Variants in RBFOX1 observed in about 807,000 individuals in gnomAD.
RBFOX1 encodes RNA binding protein fox-1 homolog 1.
RBFOX1 carries 8 observed loss-of-function variants against 57.7 expected under a neutral mutation model. The ratio of observed to expected loss-of-function variants is 0.14; its 90% CI spans 0.08 to 0.25. The LOEUF is 0.25. Among genes scored for constraint, RBFOX1 ranks in the 10% least tolerant of loss-of-function variants. The pLI is 1.00. For missense variants in RBFOX1, 611 were observed against 548.5 expected (o/e 1.11, Z -1.14); for synonymous variants, 326 against 222.4 (o/e 1.47, Z -4.15).
chr16:7,387,463 A>G lies in RBFOX1; in HGVS notation c.28-130684A>G, dbSNP rs111615136. ...ATATACCCCTGTCTTCCAAATGCAT[A>G]GATGTACAATAGCTGTCAGGATTGT... On this transcript the variant is annotated intron_variant, in intron 4 of 15. Transcript: ENST00000550418. Among the ~76,000 whole-genome samples the G allele has an allele frequency of 6.3e-3, 960 of 152,300 alleles. 13 individuals are homozygous for G. Among genetic ancestry groups the G allele is most frequent in the African/African-American group, 0.022 (913 of 41,560 alleles).
At chr16:6,735,894 G>A (rs2154178112) in intron 3 of RBFOX1, among the ~76,000 whole-genome samples, 1 of 151,496 alleles carries the variant, frequency 6.6e-6, no homozygotes, top group East Asian at 2.0e-4. Flanking sequence ...ATAAGCAGAT[G>A]GTTGAAGAAT....
intron 4 of RBFOX1, among the ~76,000 whole-genome samples, chr16:7,120,713 T>A (rs1416543249): frequency 2.0e-5 from 3 of 147,842 alleles, no homozygotes; most frequent in African/African-American, 7.5e-5. Context: ...AAAAAAACTA[T>A]ACACAGTCTC....
At chr16:6,865,595 C>A (rs984956159) in intron 3 of RBFOX1, among the ~76,000 whole-genome samples, 2 of 152,046 alleles carry the variant, frequency 1.3e-5, no homozygotes, top group South Asian at 4.2e-4. Context: ...TTTTGTGATA[C>A]ATTATTTTTT....
intron 2 of RBFOX1, among the ~76,000 whole-genome samples, chr16:5,478,656 C>T (rs1167059664): frequency 6.6e-6 from 1 of 152,180 alleles, no homozygotes; most frequent in East Asian, 1.9e-4. Flanking sequence ...GCTTATCTTT[C>T]CAGACCCGCT....
At chr16:7,253,917 A>T (rs957096161) in intron 4 of RBFOX1, among the ~76,000 whole-genome samples, 6 of 152,162 alleles carry the variant, frequency 3.9e-5, no homozygotes, top group Admixed American at 6.5e-5. Context: ...AAGAGTCTTT[A>T]TATAGGAGCT....
At chr16:6,167,414 G>C (rs1334165566) in intron 1 of RBFOX1, among the ~76,000 whole-genome samples, 1 of 152,162 alleles carries the variant, frequency 6.6e-6, no homozygotes, top group East Asian at 1.9e-4. Flanking sequence ...GGCTGTTTAA[G>C]TGCTAACGGT....
intron 3 of RBFOX1, among the ~76,000 whole-genome samples, chr16:6,947,247 G>T (rs1365536805): frequency 2.0e-5 from 3 of 152,166 alleles, no homozygotes; most frequent in Admixed American, 2.0e-4. Context: ...TGAGTCAGAA[G>T]CTCTTCTTAT....
At position 7,144,908 on chromosome 16, in the gene RBFOX1, C is replaced by G. The variant is rs532602480; in HGVS notation, c.27+92810C>G. ...TGGGGTCTCCAGCAGCCCAGTGTCT[C>G]TGATGTGAGGCACCTTTGCCTACAT... On this transcript the variant is annotated intron_variant, in intron 4 of 15. Transcript: ENST00000550418. Among the ~76,000 whole-genome samples the G allele has an allele frequency of 2.0e-5, 3 of 152,166 alleles. No individual in the cohort carries two copies. In the East Asian group the frequency reaches 5.8e-4, roughly 29 times the overall value.
At position 5,257,057 on chromosome 16, in the gene RBFOX1, A is replaced by G. The variant is rs772825710; in HGVS notation, c.219+16952A>G. Among the ~76,000 whole-genome samples, 425 of 152,282 alleles carry G rather than the reference A, an allele frequency of 2.8e-3. 6 individuals carry two copies. Among genetic ancestry groups the G allele is most frequent in the Non-Finnish European group, 4.4e-3 (299 of 68,020 alleles). On this transcript the variant is annotated intron_variant, in intron 1 of 2. Coordinates refer to the RBFOX1 transcript ENST00000585867. Reference sequence around the variant, plus strand: ...AATCTAAGGAAGGTGTGGAAACCAGACCAGGACTCCAGACTCTGGTCTCCC... The same window carrying G: ...AATCTAAGGAAGGTGTGGAAACCAGGCCAGGACTCCAGACTCTGGTCTCCC...
intron 4 of RBFOX1, among the ~76,000 whole-genome samples, chr16:7,284,895 A>T (rs1403020879): frequency 6.6e-6 from 1 of 151,616 alleles, no homozygotes; most frequent in East Asian, 1.9e-4. Flanking sequence ...TTGCCTGAGC[A>T]TGCACACTCT....
In RBFOX1 at chr16:6,161,368, G is replaced by A. The variant is rs187302667; in HGVS notation, c.-127+141376G>A. On this transcript the variant is annotated intron_variant, in intron 1 of 15. Transcript: ENST00000550418. ...TGTGCCACTGCACTCCAGCCTGGGC[G>A]ATAGAGTGAGACTCTGTCTTAAAAA... Among the ~76,000 whole-genome samples the A allele has an allele frequency of 2.9e-3, 430 of 149,518 alleles. 2 individuals carry two copies. The highest frequency in any genetic ancestry group is 0.024 in the South Asian group (115 of 4,730).
intron 3 of RBFOX1, among the ~76,000 whole-genome samples, chr16:6,865,834 ACTTCTCT>A (rs2059818280): frequency 6.6e-6 from 1 of 152,178 alleles, no homozygotes; most frequent in Non-Finnish European, 1.5e-5. Flanking sequence ...GGTACAATTA[ACTTCTCT>A]CTTTTTTGCG....
chr16:6,045,353 T>C (rs1486524069), intron 1 of RBFOX1, among the ~76,000 whole-genome samples: 5 of 152,188 alleles, frequency 3.3e-5, no homozygotes, highest in Non-Finnish European at 5.9e-5. Context: ...GAATCATGAC[T>C]CCGAGAGTTG....
At chr16:5,319,150 C>A (rs998980916) in intron 1 of RBFOX1, among the ~76,000 whole-genome samples, 4 of 149,752 alleles carry the variant, frequency 2.7e-5, no homozygotes, top group Admixed American at 2.0e-4. Context: ...AACAAACAAA[C>A]AAAAAAACAT....
intron 2 of RBFOX1, among the ~76,000 whole-genome samples, chr16:5,586,806 C>G (rs1352006397): frequency 6.6e-6 from 1 of 152,150 alleles, no homozygotes; most frequent in Non-Finnish European, 1.5e-5. Context: ...CCCCATTACC[C>G]CCAGTTTTAC....
At chr16:5,725,903 A>G (rs1304066027) in intron 3 of RBFOX1, among the ~76,000 whole-genome samples, 1 of 151,712 alleles carries the variant, frequency 6.6e-6, no homozygotes, top group Non-Finnish European at 1.5e-5. Flanking sequence ...GTTGGGGTTA[A>G]TTCCTGAGCA....
chr16:5,833,074 T>C (rs1406261871), intron 3 of RBFOX1, among the ~76,000 whole-genome samples: 1 of 152,162 alleles, frequency 6.6e-6, no homozygotes, highest in Non-Finnish European at 1.5e-5. Flanking sequence ...ATTTCTATGG[T>C]ACAGTACAGG....
At chr16:6,229,767 T>C (rs981060940) in intron 1 of RBFOX1, among the ~76,000 whole-genome samples, 1 of 152,134 alleles carries the variant, frequency 6.6e-6, no homozygotes, top group African/African-American at 2.4e-5. Flanking sequence ...GAAAACATCC[T>C]TTCCACTGTT....
intron 1 of RBFOX1, among the ~76,000 whole-genome samples, chr16:6,286,797 C>G: frequency 6.6e-6 from 1 of 152,148 alleles, no homozygotes; most frequent in South Asian, 2.1e-4. Flanking sequence ...GAAGACTAGA[C>G]TTGGAAGAAC....
Sources: allele counts gnomAD v4.1 joint callset (sites outside exome capture counted in the v4.1 genomes callset), GRCh38; gene constraint gnomAD v4.1.1; transcripts MANE v1.5; gene names NCBI Gene and HGNC (gene_info 2026-07-23, HGNC 2026-07-21).